BRI3: variants seen among roughly 807,000 people sequenced by gnomAD.
BRI3 encodes membrane protein BRI3.
In BRI3, 6 loss-of-function variants were observed where a neutral mutation model predicts 12.8. The ratio of observed to expected loss-of-function variants is 0.47; its 90% CI spans 0.26 to 0.93. The LOEUF is 0.93. BRI3 is among the 40% of genes least tolerant of loss of function. The probability of loss-of-function intolerance (pLI) is 0.15; values close to 1 mark genes in which losing one functional copy is unlikely to be tolerated. For missense variants in BRI3, 134 were observed against 171.1 expected (o/e 0.78, Z 1.21); for synonymous variants, 91 against 76.1 (o/e 1.20, Z -1.02).
the BRI3 span, among the ~76,000 whole-genome samples, chr7:98,315,839 T>A: frequency 6.6e-6 from 1 of 152,194 alleles, no homozygotes; most frequent in Non-Finnish European, 1.5e-5. Flanking sequence ...GGGCTTGACA[T>A]TCCCACGGGG....
chr7:98,318,258 G>C, the BRI3 span, among the ~76,000 whole-genome samples: 1 of 152,156 alleles, frequency 6.6e-6, no homozygotes, highest in African/African-American at 2.4e-5. Flanking sequence ...TTCCTCAAAG[G>C]CTTTTTGATG....
rs1042001158 is a variant in BRI3 at position 98,282,360 on chromosome 7, C to A, written c.152C>A (p.Thr51Asn). Residue 51 changes from threonine (T) to asparagine (N), a missense_variant, in exon 2 of 3, where the codon ACC becomes AAC. Thr to Asn is a moderately conservative substitution (Grantham distance 65). Transcript: ENST00000297290. ...PYPYLVTGIP[T>N]HHPRVYNIHS... ...GCTTTCCCGCCCACAGGGATACCCA[C>A]CCACCATCCCAGGGTCTACAACATC... 5 of 1,613,766 alleles carry A rather than the reference C, an allele frequency of 3.1e-6. No individual in the cohort carries two copies. The African/African-American group carries it at 6.7e-5, about 22-fold the overall frequency.
the BRI3 span, chr7:98,317,252 T>G: frequency 6.2e-7 from 1 of 1,614,278 alleles, no homozygotes; most frequent in Non-Finnish European, 8.5e-7. Flanking sequence ...TGAGTGCGTT[T>G]CGGCTTCCTT....
chr7:98,312,741 T>C (rs908581074), downstream of BRI3, among the ~76,000 whole-genome samples: 13 of 95,048 alleles, frequency 1.4e-4, no homozygotes, highest in Non-Finnish European at 2.7e-4. Context: ...TGAGAGTCTG[T>C]CTATGGGGAA....
At chr7:98,311,807 G>A (rs962022470), downstream of BRI3, among the ~76,000 whole-genome samples, 2 of 152,110 alleles carry the variant, frequency 1.3e-5, no homozygotes, top group African/African-American at 4.8e-5. Flanking sequence ...TGAGGAGGCT[G>A]AGGCAGGAGA....
At chr7:98,320,346 T>C in the BRI3 span, 1 of 1,455,738 alleles carries the variant, frequency 6.9e-7, no homozygotes, top group Non-Finnish European at 9.4e-7. Context: ...GCGTATTTTT[T>C]TGTTTTGAAA....
At chr7:98,294,955 ACT>A (rs1491289894), downstream of BRI3, among the ~76,000 whole-genome samples, 2 of 151,988 alleles carry the variant, frequency 1.3e-5, no homozygotes, top group African/African-American at 4.8e-5. Flanking sequence ...AGGGTTTAAC[ACT>A]CTTTCCTGCC....
chr7:98,282,534 C>A (rs1029533929), intron 2 of BRI3, 81 bp downstream of exon 2: 2 of 1,193,086 alleles, frequency 1.7e-6, no homozygotes, highest in African/African-American at 3.0e-5. Context: ...CACAGCTCTG[C>A]TTGTGGGAGT....
intron 2 of BRI3, among the ~76,000 whole-genome samples, chr7:98,287,857 G>A (rs1195174129): frequency 6.6e-6 from 1 of 152,176 alleles, no homozygotes; most frequent in African/African-American, 2.4e-5. Context: ...CCCCATGGGC[G>A]GGCTCCAGCC....
chr7:98,316,501 G>A, the BRI3 span, among the ~76,000 whole-genome samples: 1 of 152,148 alleles, frequency 6.6e-6, no homozygotes, highest in Non-Finnish European at 1.5e-5. Flanking sequence ...ACAGCCTTCA[G>A]CTCTCAGTCA....
At chr7:98,284,605 C>CGCCG (rs1289986482) in intron 2 of BRI3, among the ~76,000 whole-genome samples, 1 of 152,230 alleles carries the variant, frequency 6.6e-6, no homozygotes, top group Non-Finnish European at 1.5e-5. Flanking sequence ...AGGTCCAGCC[C>CGCCG]GCCGGGCTCT....
chr7:98,289,391 G>A (rs1391664102), intron 2 of BRI3, among the ~76,000 whole-genome samples: 1 of 152,250 alleles, frequency 6.6e-6, no homozygotes, highest in Non-Finnish European at 1.5e-5. Flanking sequence ...AGCAGGGGTG[G>A]GGGCAGTGGC....
chr7:98,308,996 A>G (rs1173842377), exon 2 of BRI3: 1 of 151,510 alleles, frequency 6.6e-6, no homozygotes, highest in Non-Finnish European at 1.5e-5. Flanking sequence ...TTTTCCATTC[A>G]AATTTTCCCA....
At chr7:98,300,677 T>C (rs1197919055) in intron 1 of BRI3, among the ~76,000 whole-genome samples, 1 of 151,988 alleles carries the variant, frequency 6.6e-6, no homozygotes, top group Non-Finnish European at 1.5e-5. Flanking sequence ...GCACAGGCAC[T>C]GCTCAGGAAG....
At chr7:98,308,653 A>G in exon 2 of BRI3, 1 of 229,494 alleles carries the variant, frequency 4.4e-6, no homozygotes, top group Non-Finnish European at 8.8e-6. Context: ...TCCAGGGGAA[A>G]AAAGGTAGAA....
downstream of BRI3, among the ~76,000 whole-genome samples, chr7:98,297,102 T>G (rs1404952919): frequency 3.3e-5 from 5 of 152,204 alleles, 1 homozygote; most frequent in African/African-American, 1.2e-4. Flanking sequence ...CAGCAGCCAC[T>G]ACGAGAGTGG....
chr7:98,322,520 G>A, the BRI3 span, among the ~76,000 whole-genome samples: 5 of 152,196 alleles, frequency 3.3e-5, no homozygotes, highest in African/African-American at 9.6e-5. Flanking sequence ...GGAGCCACCT[G>A]TAGGGTGCAG....
the BRI3 span, chr7:98,320,244 T>C: frequency 6.2e-7 from 1 of 1,608,988 alleles, no homozygotes; most frequent in Non-Finnish European, 8.5e-7. Context: ...TACATTTTCA[T>C]CAAGACTCTC....
At chr7:98,303,349 G>C (rs1460589981), upstream of BRI3, among the ~76,000 whole-genome samples, 6 of 152,108 alleles carry the variant, frequency 3.9e-5, no homozygotes, top group Non-Finnish European at 8.8e-5. Context: ...CTCCTGGAGC[G>C]AGGGGTGCAG....
Sources: gnomAD v4.1 joint callset for allele counts (sites outside exome capture counted in the v4.1 genomes callset) on GRCh38, gnomAD v4.1.1 for gene constraint, MANE v1.5 for transcripts, NCBI Gene and HGNC (gene_info 2026-07-23, HGNC 2026-07-21) for gene names.